Variants in ARFGEF3 observed in about 807,000 individuals in gnomAD.
ARFGEF3 encodes brefeldin A-inhibited guanine nucleotide-exchange protein 3.
A neutral mutation model predicts 221.7 loss-of-function variants in ARFGEF3; 96 were observed. The observed-to-expected ratio is 0.43, with a 90% confidence interval of 0.37 to 0.51. The LOEUF is 0.51. ARFGEF3 is among the 20% of genes least tolerant of loss of function. ARFGEF3 has a pLI of 0.00. For missense variants in ARFGEF3, 2,410 were observed against 2,789.9 expected, an observed-to-expected ratio of 0.86 and a Z score of 3.07; for synonymous variants, 1,145 against 1,126.8, an observed-to-expected ratio of 1.02 and a Z score of -0.32.
At chr6:138,178,140 G>C (rs1195026649) in intron 2 of ARFGEF3, among the ~76,000 whole-genome samples, 1 of 152,130 alleles carries the variant, frequency 6.6e-6, no homozygotes, top group African/African-American at 2.4e-5. Context: ...TTCTCTCGAA[G>C]ATGTGACTAT....
Position 138,161,960 on chromosome 6 carries a change from C to G in ARFGEF3, c.-127C>G. The G allele has an allele frequency of 3.2e-6, 1 of 309,608 alleles. No homozygotes were observed. 19.2% of individuals were successfully genotyped at this position (309,608 alleles called of 1,614,324 possible). ...GGGCGTGATTCATCAGCATCCGCGC[C>G]GGGGCGGCATGGGGGCGCGCGCGGC... On this transcript the variant is annotated 5_prime_UTR_variant, in exon 1 of 34. Transcript: ENST00000251691.
At position 138,262,759 on chromosome 6, in the gene ARFGEF3, G is replaced by T; in HGVS notation, c.1276G>T (p.Ala426Ser). Reference sequence around the variant, plus strand: ...GGGTGGCATCGAAGCTTGCTATGCAGCCGTGTCCTGTGTCTGCACCTTGCT... The same window carrying T: ...GGGTGGCATCGAAGCTTGCTATGCATCCGTGTCCTGTGTCTGCACCTTGCT... ...IKGGIEACYAAVSCVCTLLGA... is the reference protein window; with the variant it reads ...IKGGIEACYASVSCVCTLLGA... Residue 426 changes from alanine (A) to serine (S), a missense_variant, in exon 12 of 34, where the codon GCC (alanine) becomes TCC (serine). Physicochemically the swap from Ala to Ser is moderately conservative, Grantham distance 99. Coordinates refer to ENST00000251691, the MANE Select transcript of ARFGEF3 (RefSeq NM_020340.5). 1 of 1,613,776 alleles carries T rather than the reference G, an allele frequency of 6.2e-7. No individual in the cohort carries two copies. Among genetic ancestry groups the T allele is most frequent in the Non-Finnish European group, 8.5e-7 (1 of 1,179,694 alleles).
chr6:138,226,441 T>C lies in ARFGEF3; in HGVS notation c.352-3343T>C, dbSNP rs150648428. ...ATTATCTGGGACTTTTATTAGCCATTGTAATGATTTTTCCCTTTTCATGGA... is the reference window on the plus strand; with the variant it reads ...ATTATCTGGGACTTTTATTAGCCATCGTAATGATTTTTCCCTTTTCATGGA... On this transcript the variant is annotated intron_variant, in intron 4 of 33. Transcript: ENST00000251691. Among the ~76,000 whole-genome samples, 822 of 152,342 alleles carry C rather than the reference T, an allele frequency of 5.4e-3. 6 individuals carry two copies. Among genetic ancestry groups the C allele is most frequent in the African/African-American group, 0.018 (765 of 41,578 alleles).
At chr6:138,326,767 C>T (rs1780133443) in intron 31 of ARFGEF3, among the ~76,000 whole-genome samples, 2 of 152,128 alleles carry the variant, frequency 1.3e-5, no homozygotes, top group Admixed American at 1.3e-4. Flanking sequence ...TGGGCATATA[C>T]CCAAAGGAAT....
Position 138,253,861 on chromosome 6 carries a change from C to T in ARFGEF3, c.666-19C>T, listed in dbSNP as rs201709173. 1.0e-4 allele frequency: 156 copies of T among 1,545,362 alleles called. No homozygotes were observed. Among genetic ancestry groups the T allele is most frequent in the Non-Finnish European group, 1.3e-4 (148 of 1,138,594 alleles). Reference sequence around the variant, plus strand: ...CCTTGTCTTTTGTCTGCATTTGTGTCGGTTCTGCTCTTCTGCAGTGACAGC... The same window carrying T: ...CCTTGTCTTTTGTCTGCATTTGTGTTGGTTCTGCTCTTCTGCAGTGACAGC... On this transcript the variant is annotated intron_variant, in intron 8 of 33. Coordinates refer to ENST00000251691, the MANE Select transcript of ARFGEF3 (RefSeq NM_020340.5).
chr6:138,331,021 T>C (rs1205319892), intron 32 of ARFGEF3, among the ~76,000 whole-genome samples: 1 of 152,228 alleles, frequency 6.6e-6, no homozygotes. Flanking sequence ...TTTCTTCCTT[T>C]TTTCCTATTT....
intron 3 of ARFGEF3, among the ~76,000 whole-genome samples, chr6:138,209,542 C>T (rs981226088): frequency 3.3e-5 from 5 of 152,088 alleles, no homozygotes; most frequent in African/African-American, 9.7e-5. Flanking sequence ...CTCCGCCTCC[C>T]GGGTTCAAGC....
intron 1 of ARFGEF3, among the ~76,000 whole-genome samples, chr6:138,167,473 C>T (rs111563396): frequency 0.024 from 3,594 of 152,306 alleles, 53 homozygotes; most frequent in African/African-American, 0.043. Context: ...TTCTTCCCCA[C>T]CTCTACCTCA....
intron 2 of ARFGEF3, among the ~76,000 whole-genome samples, chr6:138,184,212 A>G (rs1409213415): frequency 6.6e-6 from 1 of 152,184 alleles, no homozygotes; most frequent in Non-Finnish European, 1.5e-5. Flanking sequence ...GTTAATATAA[A>G]TGATATAATT....
Position 138,298,650 on chromosome 6 carries a change from C to T in ARFGEF3, c.3693C>T (p.Ser1231=), listed in dbSNP as rs1779566621. ...GACATGTGTCTCAGAAGGCTGTTTC[C>T]TTCATCCATGACATACTGACAGAAG... ...KERHVSQKAV[S]FIHDILTEVL... is the part of the protein sequence containing the mutation. The change falls in exon 22 of 34, where the codon TCC becomes TCT. Residue 1231 remains serine, a synonymous_variant. Coordinates refer to ENST00000251691, the MANE Select transcript of ARFGEF3 (RefSeq NM_020340.5). The T allele has an allele frequency of 1.2e-6, 2 of 1,613,330 alleles. No individual in the cohort carries two copies. Among genetic ancestry groups the T allele is most frequent in the Non-Finnish European group, 1.7e-6 (2 of 1,179,718 alleles).
chr6:138,320,505 G>A (rs548266906), intron 28 of ARFGEF3, among the ~76,000 whole-genome samples: 2 of 152,316 alleles, frequency 1.3e-5, no homozygotes, highest in South Asian at 2.1e-4. Flanking sequence ...GTGGGTGTCC[G>A]GGAGCAGAAG....
chr6:138,323,949 C>A (rs538188142), intron 30 of ARFGEF3, 74 bp from the exon 31 acceptor site: 2 of 1,579,562 alleles, frequency 1.3e-6, no homozygotes, highest in Admixed American at 1.7e-5. Context: ...GACACAGTGA[C>A]GATCTCAGAT....
At chr6:138,250,677 G>A (rs1778564617) in intron 8 of ARFGEF3, among the ~76,000 whole-genome samples, 1 of 152,252 alleles carries the variant, frequency 6.6e-6, no homozygotes, top group African/African-American at 2.4e-5. Flanking sequence ...AGGGGTGGCT[G>A]CTTTGCCTTC....
chr6:138,252,380 C>A (rs1026955301), intron 8 of ARFGEF3, among the ~76,000 whole-genome samples: 2 of 152,152 alleles, frequency 1.3e-5, no homozygotes, highest in Admixed American at 1.3e-4. Context: ...AGCATAATAT[C>A]AATGTCAGTG....
At chr6:138,178,700 G>A (rs1777004225) in intron 2 of ARFGEF3, among the ~76,000 whole-genome samples, 1 of 152,082 alleles carries the variant, frequency 6.6e-6, no homozygotes, top group African/African-American at 2.4e-5. Context: ...TGCTTCTCCA[G>A]CTTTACATCA....
intron 10 of ARFGEF3, among the ~76,000 whole-genome samples, chr6:138,259,508 A>T (rs1778747954): frequency 6.6e-6 from 1 of 151,920 alleles, no homozygotes. Context: ...TGATCCCACA[A>T]CTCTCATTCC....
chr6:138,207,274 G>A (rs1777641283), intron 3 of ARFGEF3, among the ~76,000 whole-genome samples, 151 bp downstream of exon 3: 1 of 152,142 alleles, frequency 6.6e-6, no homozygotes, highest in South Asian at 2.1e-4. Context: ...AGAATAACAG[G>A]ATTTTCTTAT....
chr6:138,231,463 C>G (rs946740399), intron 5 of ARFGEF3, among the ~76,000 whole-genome samples: 1 of 152,130 alleles, frequency 6.6e-6, no homozygotes, highest in African/African-American at 2.4e-5. Flanking sequence ...GATACCTGTC[C>G]CAGCCTCATG....
Position 138,317,277 on chromosome 6 carries a change from C to G in ARFGEF3, c.4372C>G (p.Leu1458Val), listed in dbSNP as rs1228189974. The change falls in exon 27 of 34, where the codon CTG becomes GTG. Residue 1458 changes from leucine to valine, a missense_variant. Physicochemically the swap from Leu to Val is conservative, Grantham distance 32. Around this residue, in one of 5 missense-constraint regions of ARFGEF3, gnomAD observed 723 missense variants for 991.9 expected, o/e 0.73. Transcript: ENST00000251691. ...TGLIEVWIIL[L>V]EQLTAAVSNC... Reference sequence around the variant, plus strand: ...TCTGATAGAAGTCTGGATAATCCTGCTGGAGCAGCTGACAGCGGCTGTGTC... The same window carrying G: ...TCTGATAGAAGTCTGGATAATCCTGGTGGAGCAGCTGACAGCGGCTGTGTC... 4 of 1,613,814 alleles carry G rather than the reference C, an allele frequency of 2.5e-6. No individual in the cohort carries two copies. The highest frequency in any genetic ancestry group is 3.3e-4 in the Middle Eastern group (2 of 6,084).
Sources: gnomAD v4.1 joint callset for allele counts (sites outside exome capture counted in the v4.1 genomes callset) on GRCh38, gnomAD v4.1.1 for gene constraint, gnomAD v4.1.1 regional missense constraint, MANE v1.5 for transcripts, NCBI Gene and HGNC (gene_info 2026-07-23, HGNC 2026-07-21) for gene names.